MRC1: variants seen among roughly 807,000 people sequenced by gnomAD.
MRC1 encodes the protein macrophage mannose receptor 1.
In MRC1, 62 loss-of-function variants were observed where a neutral mutation model predicts 102.9. That is an observed-to-expected ratio of 0.60 (90% confidence interval 0.49 to 0.74). The LOEUF (loss-of-function observed/expected upper bound fraction) is 0.74, where lower values mean the gene tolerates loss of function less well. Among genes scored for constraint, MRC1 ranks in the 30% least tolerant of loss-of-function variants. MRC1 has a pLI of 0.00. For synonymous variants in MRC1, 457 were observed against 298.4 expected (o/e 1.53, Z -5.48); for missense variants, 1,237 against 862.8 (o/e 1.43, Z -5.43).
At chr10:17,896,377 C>G (rs919662772) in intron 23 of MRC1, among the ~76,000 whole-genome samples, 23 of 152,262 alleles carry the variant, frequency 1.5e-4, no homozygotes, top group Non-Finnish European at 1.5e-4. Flanking sequence ...CTATACTACA[C>G]TCTATAGCAC....
intron 26 of MRC1, among the ~76,000 whole-genome samples, chr10:17,902,673 T>G (rs1452903561): frequency 6.6e-6 from 1 of 152,208 alleles, no homozygotes; most frequent in Non-Finnish European, 1.5e-5. Context: ...TTCATGTTTT[T>G]TATGCCCTAA....
Position 17,898,281 on chromosome 10 carries a change from A to G in MRC1, c.3483+15A>G, listed in dbSNP as rs1833782638. On this transcript the variant is annotated intron_variant, in intron 24 of 29. Transcript: ENST00000569591. ...ACAGTAACTTGGTAAGATGCTGGAA[A>G]TATGTGCAACTTGACATGATCAGTG... The G allele has an allele frequency of 3.8e-6, 3 of 780,720 alleles. No individual in the cohort carries two copies. The highest frequency in any genetic ancestry group is 7.2e-6 in the Non-Finnish European group (3 of 417,938). The allele number at this position is 780,720 out of a possible 1,614,324, so 48.4% of individuals were successfully genotyped here. A position where few individuals can be genotyped will look rare whatever the true frequency, so the allele number is the denominator to read the frequency against.
chr10:17,871,774 C>T (rs1284052424), intron 14 of MRC1, among the ~76,000 whole-genome samples: 1 of 152,168 alleles, frequency 6.6e-6, no homozygotes, highest in Non-Finnish European at 1.5e-5. Flanking sequence ...CAATTGTGTA[C>T]GTTATTCAAC....
At chr10:17,867,371 C>T (rs556304339) in intron 12 of MRC1, among the ~76,000 whole-genome samples, 4 of 137,786 alleles carry the variant, frequency 2.9e-5, no homozygotes, top group African/African-American at 1.1e-4. Flanking sequence ...TCTCCTTCTT[C>T]TTCTTCTTCT....
intron 1 of MRC1, among the ~76,000 whole-genome samples, chr10:17,820,970 G>T (rs1407036122): frequency 1.3e-5 from 2 of 152,110 alleles, no homozygotes; most frequent in Non-Finnish European, 2.9e-5. Flanking sequence ...TGTCCCACTA[G>T]GGCACGAGCA....
In MRC1 at chr10:17,910,328, A is replaced by G; in HGVS notation, c.4234A>G (p.Lys1412Glu). Residue 1412 changes from lysine to glutamate, a missense_variant, in exon 30 of 30, where the codon AAG (lysine) becomes GAG (glutamate). Lys to Glu is a moderately conservative substitution (Grantham distance 56). Transcript: ENST00000569591. Reference sequence around the variant, plus strand: ...TGGCCTTGCCGCCTATTTCTTTTATAAGAAAAGACGTGTGCACCTACCTCA... The same window carrying G: ...TGGCCTTGCCGCCTATTTCTTTTATGAGAAAAGACGTGTGCACCTACCTCA... Reference protein sequence around the residue: ...GAGLAAYFFYKKRRVHLPQEG... With the variant: ...GAGLAAYFFYEKRRVHLPQEG... The G allele has an allele frequency of 1.3e-6, 1 of 780,818 alleles. No individual in the cohort carries two copies. The highest frequency in any genetic ancestry group is 1.3e-5 in the South Asian group (1 of 74,614). The allele number at this position is 780,818 out of a possible 1,614,324, so 48.4% of individuals were successfully genotyped here.
At chr10:17,826,466 C>A (rs562275482) in intron 2 of MRC1, among the ~76,000 whole-genome samples, 3 of 152,142 alleles carry the variant, frequency 2.0e-5, no homozygotes, top group African/African-American at 7.2e-5. Context: ...CCTCTCAAAG[C>A]GCTGGGATTG....
intron 9 of MRC1, among the ~76,000 whole-genome samples, chr10:17,857,809 A>G (rs1833117757): frequency 6.6e-6 from 1 of 152,194 alleles, no homozygotes; most frequent in African/African-American, 2.4e-5. Context: ...CAGAAATCAC[A>G]GGCTTGTTGT....
intron 25 of MRC1, among the ~76,000 whole-genome samples, chr10:17,901,492 C>A (rs1301527723): frequency 6.6e-6 from 1 of 152,042 alleles, no homozygotes; most frequent in African/African-American, 2.4e-5. Context: ...AGGTTGAGAC[C>A]AGCTTGGCCA....
intron 4 of MRC1, among the ~76,000 whole-genome samples, chr10:17,835,482 A>G (rs1838648927): frequency 6.6e-6 from 1 of 152,324 alleles, no homozygotes; most frequent in Admixed American, 6.5e-5. Flanking sequence ...AAACAAATGA[A>G]TAGGTACCAA....
chr10:17,904,492 C>T (rs917038636), intron 26 of MRC1, among the ~76,000 whole-genome samples: 32 of 152,170 alleles, frequency 2.1e-4, no homozygotes, highest in African/African-American at 7.7e-4. Context: ...TGTTAAGATC[C>T]CTGTACATGA....
At chr10:17,840,165 T>G (rs1192083300) in intron 4 of MRC1, among the ~76,000 whole-genome samples, 1 of 151,590 alleles carries the variant, frequency 6.6e-6, no homozygotes, top group East Asian at 1.9e-4. Flanking sequence ...TCCACATCAG[T>G]CCTAGAACAG....
In MRC1 at chr10:17,910,090, CTGTTTGA is replaced by C; in HGVS notation, c.4121-124_4121-118del. 3 of 744,620 alleles carry C rather than the reference CTGTTTGA, an allele frequency of 4.0e-6. No individual in the cohort carries two copies. In the Admixed American group the frequency reaches 5.6e-5, roughly 14 times the overall value. 46.1% of individuals were successfully genotyped at this position (744,620 alleles called of 1,614,324 possible). Reference sequence around the variant, plus strand: ...ACTCTTGTTTTCACATCTTTCTTTTCTGTTTGACAAATGTCGCTTGAAAGAATATTTA... The same window carrying C: ...ACTCTTGTTTTCACATCTTTCTTTTCCAAATGTCGCTTGAAAGAATATTTA... On this transcript the variant is annotated intron_variant, in intron 29 of 29. Coordinates refer to ENST00000569591, the MANE Select transcript of MRC1 (RefSeq NM_002438.4).
rs1284799673 is a variant in MRC1, at chr10:17,829,138, T to G, written c.637+1423T>G. ...TGGGCAGAGCAAAGAGCATTCGATA[T>G]GGTCTGGGATGATTGTGACACCACC... On this transcript the variant is annotated intron_variant, in intron 3 of 29. Transcript: ENST00000569591. Among the ~76,000 whole-genome samples the G allele has an allele frequency of 1.3e-5, 2 of 151,530 alleles. 1 individual carries two copies. The highest frequency in any genetic ancestry group is 4.9e-5 in the African/African-American group (2 of 40,792).
At chr10:17,895,966 A>G (rs1434566780) in intron 23 of MRC1, among the ~76,000 whole-genome samples, 4 of 152,316 alleles carry the variant, frequency 2.6e-5, no homozygotes, top group African/African-American at 7.2e-5. Flanking sequence ...AAATTTTTGG[A>G]AAAGGAATGG....
At chr10:17,880,265 A>G (rs1210345068) in intron 19 of MRC1, among the ~76,000 whole-genome samples, 2 of 152,216 alleles carry the variant, frequency 1.3e-5, no homozygotes, top group African/African-American at 2.4e-5. Flanking sequence ...ATGATTAGCT[A>G]CTACCATTTA....
chr10:17,872,930 G>T (rs1450248366), intron 15 of MRC1, among the ~76,000 whole-genome samples: 1 of 152,172 alleles, frequency 6.6e-6, no homozygotes, highest in Non-Finnish European at 1.5e-5. Flanking sequence ...CAACTCTATG[G>T]CTGGAGATGA....
intron 11 of MRC1, among the ~76,000 whole-genome samples, chr10:17,864,973 A>G (rs1202568806): frequency 2.0e-5 from 3 of 152,018 alleles, no homozygotes; most frequent in Non-Finnish European, 2.9e-5. Flanking sequence ...CTGCCTCTCT[A>G]TATATTTTGA....
At chr10:17,837,711 G>A (rs978191157) in intron 4 of MRC1, among the ~76,000 whole-genome samples, 6 of 151,392 alleles carry the variant, frequency 4.0e-5, no homozygotes, top group East Asian at 1.9e-4. Flanking sequence ...AGTGATTCTC[G>A]TGCCTCAGCC....
Sources: gnomAD v4.1 joint callset for allele counts (sites outside exome capture counted in the v4.1 genomes callset) on GRCh38, gnomAD v4.1.1 for gene constraint, MANE v1.5 for transcripts, NCBI Gene and HGNC (gene_info 2026-07-23, HGNC 2026-07-21) for gene names.